ATP11C: variants seen among roughly 807,000 people sequenced by gnomAD.
ATP11C encodes the protein ATPase phospholipid transporting 11C (ATP11C blood group).
Under a neutral mutation model 97.4 loss-of-function variants are expected in ATP11C, and 36 were observed. The ratio of observed to expected loss-of-function variants is 0.37; its 90% CI spans 0.28 to 0.49. ATP11C has a LOEUF of 0.49. ATP11C is among the 20% of genes least tolerant of loss of function. The pLI is 0.98. For synonymous variants in ATP11C, 275 were observed against 290.9 expected (o/e 0.95, Z 0.56); for missense variants, 730 against 824.6 (o/e 0.89, Z 1.40).
chrX:139,804,397 A>T (rs1424694074), intron 6 of ATP11C, 74 bp downstream of exon 6: 1 of 769,315 alleles, frequency 1.3e-6, no homozygotes, highest in African/African-American at 2.2e-5. Flanking sequence ...AAAAGATTAG[A>T]GGGTGATGGG....
chrX:139,798,876 A>G (rs749032707), intron 8 of ATP11C, 133 bp from the exon 9 acceptor site: 48 of 446,833 alleles, frequency 1.1e-4, no homozygotes, highest in Non-Finnish European at 1.8e-4. Flanking sequence ...CCATATGCTT[A>G]CTCCCCAGGA....
At chrX:139,810,536 G>T (rs180692778) in intron 5 of ATP11C, among the ~76,000 whole-genome samples, 2 of 111,957 alleles carry the variant, frequency 1.8e-5, no homozygotes, top group Admixed American at 1.9e-4. Flanking sequence ...ATGAATCGAG[G>T]AAGAATTAAA....
At position 139,800,048 on chromosome X, in the gene ATP11C, C is replaced by G; in HGVS notation, c.710+12G>C. The G allele has an allele frequency of 2.4e-6, 2 of 827,246 alleles. No individual in the cohort carries two copies. The highest frequency in any genetic ancestry group is 3.2e-6 in the Non-Finnish European group (2 of 619,585). The allele number at this position is 827,246 out of a possible 1,213,427, so 68.2% of individuals were successfully genotyped here. ...CCAACCAAAGGACAAATTAAAGAAA[C>G]AGCAAACTTACCTGGCAACAGCCTC... is the stretch of plus-strand genomic sequence containing the variant. On this transcript the variant is annotated intron_variant, in intron 8 of 29. Transcript: ENST00000682941.
intron 12 of ATP11C, among the ~76,000 whole-genome samples, chrX:139,790,445 TTCTCTC>T (rs1217777441): frequency 1.0e-5 from 1 of 96,852 alleles, no homozygotes; most frequent in African/African-American, 4.0e-5. Flanking sequence ...GACCACTTAT[TTCTCTC>T]TCTCTCTCTC....
rs138050522 is a variant in ATP11C, at chrX:139,807,575, G to A, written c.427-2976C>T. On this transcript the variant is annotated intron_variant, in intron 5 of 29. Transcript: ENST00000682941. ...AGCAAAAAATGAGCCATCATTGAAA[G>A]ATAAAGCAGTCCATGAAACCAGACC... is the stretch of plus-strand genomic sequence containing the variant. Among the ~76,000 whole-genome samples, 405 of 111,597 alleles carry A rather than the reference G, an allele frequency of 3.6e-3. 3 individuals are homozygous for A. The highest frequency in any genetic ancestry group is 0.013 in the African/African-American group (392 of 30,687).
At chrX:139,743,489 A>T (rs1013313466) in intron 26 of ATP11C, 70 bp downstream of exon 26, 8 of 697,239 alleles carry the variant, frequency 1.1e-5, no homozygotes, top group Admixed American at 1.1e-4. Flanking sequence ...AAAAAATGGT[A>T]TATTAGGATA....
chrX:139,747,126 T>C (rs2081705021), intron 24 of ATP11C, among the ~76,000 whole-genome samples: 1 of 111,390 alleles, frequency 9.0e-6, no homozygotes, highest in East Asian at 2.8e-4. Context: ...GCTCTCCCTA[T>C]AGCCAGTAAG....
chrX:139,784,442 A>G (rs1057307777), intron 16 of ATP11C, among the ~76,000 whole-genome samples: 1 of 111,808 alleles, frequency 8.9e-6, no homozygotes, highest in East Asian at 2.8e-4. Context: ...TTCTGACATT[A>G]AGGAATTTAG....
At chrX:139,770,829 T>A (rs775551618) in intron 19 of ATP11C, among the ~76,000 whole-genome samples, 2 of 112,003 alleles carry the variant, frequency 1.8e-5, no homozygotes, top group South Asian at 3.8e-4. Flanking sequence ...CTCAGGGCTG[T>A]TGAATGGTGC....
At chrX:139,731,849 A>G (rs2081349170) in intron 28 of ATP11C, 94 bp from the exon 29 acceptor site, 1 of 476,797 alleles carries the variant, frequency 2.1e-6, no homozygotes, top group East Asian at 4.6e-5. Context: ...GAAAAAAATC[A>G]TTTCCTATAG....
chrX:139,821,625 A>G (rs1476059618), intron 2 of ATP11C, among the ~76,000 whole-genome samples: 1 of 112,145 alleles, frequency 8.9e-6, no homozygotes, highest in African/African-American at 3.2e-5. Context: ...TTAGTTGACC[A>G]CTGTTTTATT....
chrX:139,846,602 C>T (rs1433092186), intron 1 of ATP11C, among the ~76,000 whole-genome samples: 5 of 111,343 alleles, frequency 4.5e-5, no homozygotes, highest in Non-Finnish European at 7.5e-5. Flanking sequence ...CTAATGGTGA[C>T]CATAAAACAC....
At chrX:139,877,484 C>T (rs914675623) in intron 1 of ATP11C, among the ~76,000 whole-genome samples, 4 of 111,309 alleles carry the variant, frequency 3.6e-5, no homozygotes, top group Non-Finnish European at 7.5e-5. Context: ...CACCAAGAGT[C>T]ATTAACCAAG....
At chrX:139,931,962 G>A in intron 1 of ATP11C, 54 bp downstream of exon 1, 1 of 1,132,763 alleles carries the variant, frequency 8.8e-7, no homozygotes, top group Non-Finnish European at 1.2e-6. Flanking sequence ...ACCCGGCGAA[G>A]GGGCTGGCGA....
At chrX:139,736,157 T>C (rs1362927329) in intron 28 of ATP11C, among the ~76,000 whole-genome samples, 1 of 110,528 alleles carries the variant, frequency 9.0e-6, no homozygotes, top group East Asian at 3.0e-4. Context: ...TCAACAGAAG[T>C]TCAGAATCTG....
chrX:139,833,685 T>C (rs1239061596), intron 1 of ATP11C, among the ~76,000 whole-genome samples: 1 of 110,166 alleles, frequency 9.1e-6, no homozygotes, highest in Admixed American at 9.7e-5. Flanking sequence ...AAAGACCCCA[T>C]CTCTTTAAAA....
chrX:139,806,361 T>C (rs1025481746), intron 5 of ATP11C, among the ~76,000 whole-genome samples: 14 of 111,744 alleles, frequency 1.3e-4, no homozygotes, highest in Non-Finnish European at 2.6e-4. Context: ...CACCTCCCAT[T>C]ACAAACATTA....
At chrX:139,839,790 AGTCTGGTCTCTTCCTCCT>A (rs2083800892) in intron 1 of ATP11C, among the ~76,000 whole-genome samples, 1 of 111,621 alleles carries the variant, frequency 9.0e-6, no homozygotes, top group Non-Finnish European at 1.9e-5. Context: ...TTTTATACAC[AGTCTGGTCTCTTCCTCCT>A]ATTTCCTCAA....
chrX:139,926,206 C>T (rs760268757), intron 1 of ATP11C, among the ~76,000 whole-genome samples: 12 of 111,434 alleles, frequency 1.1e-4, no homozygotes, highest in Non-Finnish European at 2.1e-4. Context: ...CTCCACCTAA[C>T]CAGAAAAACT....
Sources: allele counts gnomAD v4.1 joint callset (sites outside exome capture counted in the v4.1 genomes callset), GRCh38; gene constraint gnomAD v4.1.1; transcripts MANE v1.5; gene names NCBI Gene and HGNC (gene_info 2026-07-23, HGNC 2026-07-21).